MCTP1: variants seen among roughly 807,000 people sequenced by gnomAD.
The protein encoded by MCTP1 is multiple C2 and transmembrane domain-containing protein 1.
Under a neutral mutation model 120.6 loss-of-function variants are expected in MCTP1, and 69 were observed. The ratio of observed to expected loss-of-function variants is 0.57; its 90% CI spans 0.47 to 0.70. The LOEUF (loss-of-function observed/expected upper bound fraction) is 0.70, where lower values mean the gene tolerates loss of function less well. MCTP1 is among the 30% of genes least tolerant of loss of function. MCTP1 has a pLI of 0.00. For missense variants in MCTP1, 1,203 were observed against 1,248.8 expected, an observed-to-expected ratio of 0.96 and a Z score of 0.55; for synonymous variants, 529 against 493.1, an observed-to-expected ratio of 1.07 and a Z score of -0.96.
At chr5:94,896,487 C>T (rs1220038640) in intron 10 of MCTP1, among the ~76,000 whole-genome samples, 2 of 151,958 alleles carry the variant, frequency 1.3e-5, no homozygotes, top group Non-Finnish European at 2.9e-5. Flanking sequence ...AATGCTGCAG[C>T]ACTAAAACGC....
intron 1 of MCTP1, among the ~76,000 whole-genome samples, chr5:95,149,081 G>A (rs534080927): frequency 2.0e-5 from 3 of 152,304 alleles, no homozygotes; most frequent in Admixed American, 6.5e-5. Flanking sequence ...AGTGCTCTGT[G>A]GTTGGAAAGA....
chr5:95,021,198 C>T (rs1838144201), intron 1 of MCTP1, among the ~76,000 whole-genome samples: 2 of 151,968 alleles, frequency 1.3e-5, no homozygotes, highest in African/African-American at 4.8e-5. Context: ...CTACTACCTC[C>T]TTGTCAGGTT....
chr5:95,009,051 GGAGAAAGAGAGAGAGAGAGA>G (rs1562009353), intron 2 of MCTP1, among the ~76,000 whole-genome samples: 6 of 78,090 alleles, frequency 7.7e-5, no homozygotes, highest in Admixed American at 1.4e-4. Flanking sequence ...AGTGAGAGAG[GGAGAAAGAGAGAGAGAGAGA>G]GAGAGAGAGA....
intron 1 of MCTP1, among the ~76,000 whole-genome samples, chr5:95,238,137 T>G (rs1018896341): frequency 6.6e-6 from 1 of 152,180 alleles, no homozygotes; most frequent in African/African-American, 2.4e-5. Context: ...TCCATCGCCA[T>G]GTGAGAAAGT....
At chr5:95,073,122 T>G (rs1335709023) in intron 1 of MCTP1, among the ~76,000 whole-genome samples, 1 of 152,184 alleles carries the variant, frequency 6.6e-6, no homozygotes, top group African/African-American at 2.4e-5. Flanking sequence ...ATGGTCACAA[T>G]GAAGCTTGCA....
intron 19 of MCTP1, among the ~76,000 whole-genome samples, chr5:94,754,523 C>T (rs1268103911): frequency 6.6e-6 from 1 of 152,190 alleles, no homozygotes; most frequent in Admixed American, 6.5e-5. Context: ...CAATTTACAA[C>T]TCTTTGACAT....
chr5:95,169,108 G>A (rs952130459), intron 1 of MCTP1, among the ~76,000 whole-genome samples: 19 of 152,128 alleles, frequency 1.2e-4, no homozygotes, highest in African/African-American at 4.3e-4. Context: ...ATCATGAAGG[G>A]CTGCTGAATT....
chr5:95,021,980 T>G (rs1838276409), intron 1 of MCTP1, among the ~76,000 whole-genome samples: 1 of 152,206 alleles, frequency 6.6e-6, no homozygotes, highest in East Asian at 1.9e-4. Flanking sequence ...TCAGCATATG[T>G]TAATAAGATC....
intron 1 of MCTP1, among the ~76,000 whole-genome samples, chr5:95,025,919 G>C (rs2153684182): frequency 6.6e-6 from 1 of 152,260 alleles, no homozygotes; most frequent in South Asian, 2.1e-4. Context: ...TAGATATCAT[G>C]AAACACCTGA....
chr5:94,704,350 C>T lies in MCTP1; in HGVS notation c.*3146G>A, dbSNP rs370789340. On this transcript the variant is annotated 3_prime_UTR_variant, in exon 23 of 23. Coordinates refer to ENST00000515393, the MANE Select transcript of MCTP1 (RefSeq NM_024717.7). The stretch of plus-strand genomic sequence containing the variant: ...TTCTGGAGCAAAAAGGTATAACTGC[C>T]TTATACCTTTTTGTTTGTTCTTAAT... 46 of 151,554 alleles carry T rather than the reference C, an allele frequency of 3.0e-4. No individual in the cohort carries two copies. Among genetic ancestry groups the T allele is most frequent in the South Asian group, 1.5e-3 (7 of 4,812 alleles). The allele number at this position is 151,554 out of a possible 1,614,324, so 9.4% of individuals were successfully genotyped here. A position where few individuals can be genotyped will look rare whatever the true frequency, so the allele number is the denominator to read the frequency against.
intron 19 of MCTP1, among the ~76,000 whole-genome samples, chr5:94,733,963 G>GAAAAA (rs34669127): frequency 7.4e-6 from 1 of 134,356 alleles, no homozygotes; most frequent in African/African-American, 2.8e-5. Context: ...GACTCTGTCT[G>GAAAAA]AAAAAAAAAA....
intron 1 of MCTP1, among the ~76,000 whole-genome samples, chr5:95,175,476 T>G (rs1257919939): frequency 6.6e-6 from 1 of 152,200 alleles, no homozygotes; most frequent in Non-Finnish European, 1.5e-5. Flanking sequence ...TGAAGCTATC[T>G]TCTCAGCTGA....
At chr5:95,031,345 G>A (rs1840244961) in intron 1 of MCTP1, among the ~76,000 whole-genome samples, 1 of 151,164 alleles carries the variant, frequency 6.6e-6, no homozygotes. Context: ...ATTTTCCAAG[G>A]TCAACATGAA....
chr5:94,802,632 C>T (rs1424568362), intron 17 of MCTP1, among the ~76,000 whole-genome samples: 2 of 152,114 alleles, frequency 1.3e-5, no homozygotes, highest in Non-Finnish European at 2.9e-5. Flanking sequence ...CTGGAAGAAA[C>T]CCAAGGAGGG....
At chr5:95,084,383 C>T (rs1755270270) in intron 1 of MCTP1, among the ~76,000 whole-genome samples, 2 of 151,910 alleles carry the variant, frequency 1.3e-5, no homozygotes, top group Non-Finnish European at 2.9e-5. Flanking sequence ...CTTTACCAGC[C>T]CCAATTTTTT....
chr5:95,024,149 G>T (rs1429814244), intron 1 of MCTP1: 1 of 414,100 alleles, frequency 2.4e-6, no homozygotes, highest in Non-Finnish European at 4.8e-6. Flanking sequence ...CTGCTTTTGG[G>T]GTCTTATCAA....
At chr5:95,232,554 G>T (rs1755087101) in intron 1 of MCTP1, among the ~76,000 whole-genome samples, 1 of 151,376 alleles carries the variant, frequency 6.6e-6, no homozygotes, top group African/African-American at 2.4e-5. Context: ...CGCCTCCCAG[G>T]TTCATGCCGT....
At chr5:94,744,085 CT>C (rs1315835546) in intron 19 of MCTP1, among the ~76,000 whole-genome samples, 11 of 152,218 alleles carry the variant, frequency 7.2e-5, no homozygotes, top group Non-Finnish European at 1.2e-4. Context: ...ATCCTCCCAC[CT>C]CAGCTTCCGG....
intron 17 of MCTP1, among the ~76,000 whole-genome samples, chr5:94,841,287 T>G (rs974956902): frequency 1.3e-5 from 2 of 152,166 alleles, no homozygotes; most frequent in African/African-American, 2.4e-5. Flanking sequence ...GATACAAGGA[T>G]AGCAAAGGTA....
Sources: gnomAD v4.1 joint callset for allele counts (sites outside exome capture counted in the v4.1 genomes callset) on GRCh38, gnomAD v4.1.1 for gene constraint, MANE v1.5 for transcripts, NCBI Gene and HGNC (gene_info 2026-07-23, HGNC 2026-07-21) for gene names.